Variants in SHQ1 observed in about 807,000 individuals in gnomAD.
The protein encoded by SHQ1 is SHQ1, H/ACA ribonucleoprotein assembly factor.
Under a neutral mutation model 53.8 loss-of-function variants are expected in SHQ1, and 49 were observed. That is an observed-to-expected ratio of 0.91 (90% CI 0.72 to 1.16). The LOEUF is 1.16. SHQ1 is among the 50% of genes most tolerant of loss of function. SHQ1 has a pLI of 0.00. For missense variants in SHQ1, 738 were observed against 683.1 expected (o/e 1.08, Z -0.90); for synonymous variants, 243 against 251.0 (o/e 0.97, Z 0.30).
At position 72,781,336 on chromosome 3, in the gene SHQ1, G is replaced by GT. The variant is rs1706069413; in HGVS notation, c.1181+11579dup. 5.9e-5 allele frequency among the ~76,000 whole-genome samples: 9 copies of GT among 152,182 alleles called. No homozygotes were observed. In the South Asian group the frequency reaches 1.9e-3, roughly 32 times the overall value. Reference sequence around the variant, plus strand: ...CTCCCAAAGTGCTGGGATTATGGGCGTGAGACACCATGCACAGCCTCAGGT... The same window carrying GT: ...CTCCCAAAGTGCTGGGATTATGGGCGTTGAGACACCATGCACAGCCTCAGGT... On this transcript the variant is annotated intron_variant, in intron 10 of 10. Coordinates refer to ENST00000325599, the MANE Select transcript of SHQ1 (RefSeq NM_018130.3).
At chr3:72,848,125 G>C in intron 1 of SHQ1, 73 bp downstream of exon 1, 7 of 1,579,318 alleles carry the variant, frequency 4.4e-6, no homozygotes, top group Non-Finnish European at 6.1e-6. Flanking sequence ...CTGCTCTCTC[G>C]ACCTTGCATT....
intron 10 of SHQ1, among the ~76,000 whole-genome samples, chr3:72,771,433 AAAG>A (rs1373809171): frequency 3.3e-5 from 5 of 152,264 alleles, no homozygotes; most frequent in African/African-American, 1.2e-4. Context: ...ACTAGCTAGC[AAAG>A]AAGAGGAATT....
At chr3:72,769,726 A>C (rs1559664050) in intron 10 of SHQ1, among the ~76,000 whole-genome samples, 1 of 152,174 alleles carries the variant, frequency 6.6e-6, no homozygotes, top group Non-Finnish European at 1.5e-5. Flanking sequence ...GCCCTCTGCA[A>C]ATCTTGTCTT....
At chr3:72,829,747 A>T (rs1372744420) in intron 5 of SHQ1, among the ~76,000 whole-genome samples, 1 of 152,234 alleles carries the variant, frequency 6.6e-6, no homozygotes, top group Non-Finnish European at 1.5e-5. Flanking sequence ...AAATGGTATA[A>T]GATCATTTTT....
At chr3:72,777,434 C>T (rs1468106244) in intron 10 of SHQ1, among the ~76,000 whole-genome samples, 1 of 152,176 alleles carries the variant, frequency 6.6e-6, no homozygotes, top group East Asian at 1.9e-4. Flanking sequence ...CTCATAAACA[C>T]ATGAAAAGAT....
At chr3:72,781,504 T>C (rs1478542953) in intron 10 of SHQ1, among the ~76,000 whole-genome samples, 2 of 152,182 alleles carry the variant, frequency 1.3e-5, no homozygotes, top group African/African-American at 4.8e-5. Context: ...GGTAGTTAAT[T>C]TGACACTACA....
At chr3:72,784,641 C>T (rs72891643) in intron 10 of SHQ1, among the ~76,000 whole-genome samples, 1,845 of 152,296 alleles carry the variant, frequency 0.012, 43 homozygotes, top group African/African-American at 0.042. Context: ...CTTGAAATTA[C>T]GCACAATTGT....
the SHQ1 span, among the ~76,000 whole-genome samples, chr3:72,733,053 AAGG>A: frequency 2.0e-5 from 3 of 151,710 alleles, no homozygotes; most frequent in Admixed American, 2.0e-4. Flanking sequence ...GAGAGCTTGA[AAGG>A]AGGAGGAGGA....
At chr3:72,739,442 A>G in the SHQ1 span, among the ~76,000 whole-genome samples, 1 of 152,198 alleles carries the variant, frequency 6.6e-6, no homozygotes, top group South Asian at 2.1e-4. Context: ...ACCAGGCTCT[A>G]CCAGGAACAG....
intron 4 of SHQ1, among the ~76,000 whole-genome samples, chr3:72,833,917 T>C (rs1374534457): frequency 1.3e-5 from 2 of 152,222 alleles, no homozygotes; most frequent in Non-Finnish European, 2.9e-5. Flanking sequence ...TAAAGAATAT[T>C]AGCTGAAAAG....
chr3:72,792,731 C>A (rs1706477145), intron 10 of SHQ1, among the ~76,000 whole-genome samples, 185 bp downstream of exon 10: 1 of 136,900 alleles, frequency 7.3e-6, no homozygotes, highest in African/African-American at 2.8e-5. Context: ...GTTGCAGTAG[C>A]TGAGATCACA....
In SHQ1 at chr3:72,792,918, G is replaced by A; in HGVS notation, c.1179C>T (p.Val393=). The A allele has an allele frequency of 6.3e-7, 1 of 1,597,560 alleles. No homozygotes were observed. The highest frequency in any genetic ancestry group is 1.7e-5 in the Admixed American group (1 of 58,726). Residue 393 remains valine (V), a splice_region_variant and synonymous_variant, in exon 10 of 11, where the codon GTC becomes GTT. Transcript: ENST00000325599. ...ISDYCVWIQK[V]KSKKLAALAE... ...TAAGTAACTCTATGAAAACTTACTT[G>A]ACTTTCTGAATCCACACACAGTAGT...
At chr3:72,793,996 T>C (rs1354921746) in intron 9 of SHQ1, 1 of 152,204 alleles carries the variant, frequency 6.6e-6, no homozygotes, top group Non-Finnish European at 1.5e-5. Context: ...AACTCAGCAA[T>C]TCCCTAGGTG....
chr3:72,791,349 T>C (rs1706428936), intron 10 of SHQ1, among the ~76,000 whole-genome samples: 1 of 152,172 alleles, frequency 6.6e-6, no homozygotes, highest in South Asian at 2.1e-4. Context: ...GGGTTAAACA[T>C]TCAATTTTCC....
intron 4 of SHQ1, among the ~76,000 whole-genome samples, chr3:72,833,110 T>G (rs1025294978): frequency 1.3e-5 from 2 of 152,150 alleles, no homozygotes; most frequent in East Asian, 1.9e-4. Flanking sequence ...TCAAAAAGTT[T>G]TGGATTTTGG....
intron 9 of SHQ1, among the ~76,000 whole-genome samples, chr3:72,801,781 T>A (rs539902812): frequency 9.9e-4 from 151 of 152,360 alleles, no homozygotes; most frequent in South Asian, 1.9e-3. Context: ...TATCTCTACA[T>A]ATAAGTTTAA....
At chr3:72,834,543 T>A (rs1277235403) in intron 4 of SHQ1, among the ~76,000 whole-genome samples, 1 of 152,060 alleles carries the variant, frequency 6.6e-6, no homozygotes, top group African/African-American at 2.4e-5. Context: ...AAAAAAGAAG[T>A]CGTCGTCACT....
At position 72,754,019 on chromosome 3, in the gene SHQ1, CCTCTAA is replaced by C. The variant is rs528528140; in HGVS notation, c.1182-3189_1182-3184del. 7.9e-4 allele frequency among the ~76,000 whole-genome samples: 120 copies of C among 152,246 alleles called. 1 individual carries two copies. In the Middle Eastern group the frequency reaches 0.014, roughly 17 times the overall value. ...AATAAATTTGGGAAAGTGGATACTG[CCTCTAA>C]CTCTAATACTAGAAATAAAAAATAT... On this transcript the variant is annotated intron_variant, in intron 10 of 10. Transcript: ENST00000325599.
intron 9 of SHQ1, among the ~76,000 whole-genome samples, chr3:72,812,371 G>A (rs1370562162): frequency 6.6e-6 from 1 of 152,148 alleles, no homozygotes; most frequent in African/African-American, 2.4e-5. Context: ...GAAGATTATA[G>A]GCAGCCAAGA....
Sources: allele counts gnomAD v4.1 joint callset (sites outside exome capture counted in the v4.1 genomes callset), GRCh38; gene constraint gnomAD v4.1.1; transcripts MANE v1.5; gene names NCBI Gene and HGNC (gene_info 2026-07-23, HGNC 2026-07-21).